The following ZNF761 variants were observed in gnomAD, a reference collection of about 807,000 sequenced individuals.
ZNF761 encodes the protein zinc finger protein 761.
ZNF761 carries 43 observed loss-of-function variants against 59.9 expected under a neutral mutation model. That is an observed-to-expected ratio of 0.72 (90% CI 0.56 to 0.92). ZNF761 has a LOEUF of 0.92. Among genes scored for constraint, ZNF761 ranks in the 40% least tolerant of loss-of-function variants. ZNF761 has a pLI of 0.00. For synonymous variants in ZNF761, 294 were observed against 304.8 expected, an observed-to-expected ratio of 0.96 and a Z score of 0.37; for missense variants, 850 against 906.1, an observed-to-expected ratio of 0.94 and a Z score of 0.79.
intron 1 of ZNF761, chr19:53,442,371 CT>C (rs1287974016): frequency 9.9e-7 from 1 of 1,014,464 alleles, no homozygotes; most frequent in Non-Finnish European, 1.5e-6. Flanking sequence ...CCTGAAGTGT[CT>C]GAGTGCAGCT....
rs781204680 is a variant in ZNF761 at position 53,454,743 on chromosome 19, G to C, written c.236G>C (p.Ser79Thr). 1.2e-6 allele frequency: 2 copies of C among 1,614,102 alleles called. No individual in the cohort carries two copies. The highest frequency in any genetic ancestry group is 2.2e-5 in the East Asian group (1 of 44,868). Reference sequence around the variant, plus strand: ...GCAGGGACATTGCAAATACATGAAAGTCATCACAATGGAGATTTTTGCTAC... The same window carrying C: ...GCAGGGACATTGCAAATACATGAAACTCATCACAATGGAGATTTTTGCTAC... ...FHAGTLQIHESHHNGDFCYQD... is the reference protein window; with the variant it reads ...FHAGTLQIHETHHNGDFCYQD... The change falls in exon 5 of 5, where the codon AGT becomes ACT. Residue 79 changes from serine (S) to threonine (T), a missense_variant. By Grantham distance (58) the Ser-to-Thr change is moderately conservative. Coordinates refer to ENST00000684525, the MANE Select transcript of ZNF761 (RefSeq NM_001289951.2).
chr19:53,447,531 C>T (rs368264062), intron 3 of ZNF761, among the ~76,000 whole-genome samples: 118 of 152,110 alleles, frequency 7.8e-4, no homozygotes, highest in East Asian at 5.6e-3. Context: ...TGGATGGAGA[C>T]GGGGTGAGGG....
intron 1 of ZNF761, among the ~76,000 whole-genome samples, chr19:53,440,227 G>C (rs1600085471): frequency 6.6e-6 from 1 of 152,234 alleles, no homozygotes; most frequent in African/African-American, 2.4e-5. Flanking sequence ...TACTCTGGAG[G>C]CCAAGGCAGG....
In ZNF761 at chr19:53,456,415, T is replaced by C. The variant is rs144492305; in HGVS notation, c.1908T>C (p.Cys636=). 4.3e-6 allele frequency: 7 copies of C among 1,611,898 alleles called. No individual in the cohort carries two copies. The African/African-American group carries it at 9.4e-5, about 22-fold the overall frequency. ...RLHTGEKPYK[C]EECDKAFRVK... is the part of the protein sequence containing the mutation. The stretch of plus-strand genomic sequence containing the variant: ...ATACCGGAGAGAAACCTTACAAATG[T>C]GAAGAATGTGACAAAGCTTTCCGTG... Residue 636 remains cysteine, a synonymous_variant, in exon 5 of 5, where the codon TGT becomes TGC. Transcript: ENST00000684525.
chr19:53,447,193 C>T lies in ZNF761; in HGVS notation c.-73-3C>T, dbSNP rs1600092408. 5.1e-6 allele frequency: 8 copies of T among 1,564,014 alleles called. No homozygotes were observed. In the East Asian group the frequency reaches 1.8e-4, roughly 35 times the overall value. On this transcript the variant is annotated splice_region_variant and splice_polypyrimidine_tract_variant and intron_variant, in intron 2 of 4. Transcript: ENST00000684525. ...CAATAAACAACATATTTCTAACATT[C>T]AGGATTGACTTCTAAAGACTCTTGG...
At chr19:53,449,466 A>G in intron 3 of ZNF761, 46 bp from the exon 4 acceptor site, 1 of 1,614,112 alleles carries the variant, frequency 6.2e-7, no homozygotes, top group Non-Finnish European at 8.5e-7. Flanking sequence ...TGTAAAGATA[A>G]GAACTCCTCT....
Position 53,455,211 on chromosome 19 carries a change from T to C in ZNF761, c.704T>C (p.Ile235Thr). 6.2e-7 allele frequency: 1 copy of C among 1,614,216 alleles called. No individual in the cohort carries two copies. ...AGCTCACTCTTAAGGAAACATCAGA[T>C]AATCCATTTAGCAGACAAATATAAA... is the stretch of plus-strand genomic sequence containing the variant. ...NYSSLLRKHQ[I>T]IHLADKYKCD... The change falls in exon 5 of 5, where the codon ATA (isoleucine) becomes ACA (threonine). Residue 235 changes from isoleucine (I) to threonine (T), a missense_variant. Coordinates refer to ENST00000684525, the MANE Select transcript of ZNF761 (RefSeq NM_001289951.2).
At position 53,455,939 on chromosome 19, in the gene ZNF761, A is replaced by T. The variant is rs758743053; in HGVS notation, c.1432A>T (p.Lys478Ter). 3.5e-5 allele frequency: 56 copies of T among 1,613,710 alleles called. No individual in the cohort carries two copies. Among genetic ancestry groups the T allele is most frequent in the Non-Finnish European group, 4.6e-5 (54 of 1,179,910 alleles). Residue 478 changes from lysine to a stop codon, truncating the protein, a stop_gained, in exon 5 of 5, where the codon AAA becomes TAA. Coordinates refer to ENST00000684525, the MANE Select transcript of ZNF761 (RefSeq NM_001289951.2). LOFTEE classifies it high-confidence loss of function. The stretch of plus-strand genomic sequence containing the variant: ...AGAATGTGACAAAGCTTTCCGTTTC[A>T]AATCAAACCTTGAAAGACATAGGAG... Reference protein sequence around the residue: ...CEECDKAFRFKSNLERHRRIH... With the variant: ...CEECDKAFRF
At chr19:53,444,845 C>A (rs778793103) in intron 1 of ZNF761, among the ~76,000 whole-genome samples, 1 of 151,800 alleles carries the variant, frequency 6.6e-6, no homozygotes, top group Non-Finnish European at 1.5e-5. Context: ...CCAAAGACCA[C>A]AAGGGGTTTT....
At position 53,455,397 on chromosome 19, in the gene ZNF761, C is replaced by G. The variant is rs749982820; in HGVS notation, c.890C>G (p.Pro297Arg). ...CHRRLHTGEKPYKCEECDKAF... is the reference protein window; with the variant it reads ...CHRRLHTGEKRYKCEECDKAF... ...CGTAGACTTCATACTGGAGAGAAAC[C>G]TTACAAATGTGAAGAATGTGACAAA... Residue 297 changes from proline to arginine, a missense_variant, in exon 5 of 5, where the codon CCT (proline) becomes CGT (arginine). Transcript: ENST00000684525. 3.1e-6 allele frequency: 5 copies of G among 1,613,836 alleles called. No individual in the cohort carries two copies. Among genetic ancestry groups the G allele is most frequent in the Non-Finnish European group, 2.5e-6 (3 of 1,180,002 alleles).
Position 53,456,020 on chromosome 19 carries a change from C to T in ZNF761, c.1513C>T (p.Arg505Trp), listed in dbSNP as rs530162454. 6.2e-6 allele frequency: 10 copies of T among 1,613,586 alleles called. No individual in the cohort carries two copies. The highest frequency in any genetic ancestry group is 3.3e-4 in the Middle Eastern group (2 of 6,060). The change falls in exon 5 of 5, where the codon CGG becomes TGG. Residue 505 changes from arginine to tryptophan, a missense_variant. Arg to Trp is a moderately radical substitution (Grantham distance 101, BLOSUM62 -3). Transcript: ENST00000684525. ...TAATGAGTGTGGCAAGACCTTTAGT[C>T]GGAAGTCATACCTCACATGCCATCA... ...KCNECGKTFS[R>W]KSYLTCHHRL...
chr19:53,440,740 A>G, intron 1 of ZNF761, among the ~76,000 whole-genome samples: 1 of 152,128 alleles, frequency 6.6e-6, no homozygotes, highest in East Asian at 1.9e-4. Context: ...GTGCAGCATG[A>G]TCTCTTCTAA....
At position 53,456,889 on chromosome 19, in the gene ZNF761, A is replaced by G; in HGVS notation, c.*141A>G. On this transcript the variant is annotated 3_prime_UTR_variant, in exon 5 of 5. Coordinates refer to ENST00000684525, the MANE Select transcript of ZNF761 (RefSeq NM_001289951.2). ...AGCCTCAGAAGACAGGAGAATTCAT[A>G]CTGGAGAGAAAGCTTATAAATGTGA... 1.0e-6 allele frequency: 1 copy of G among 969,248 alleles called. No individual in the cohort carries two copies. Among genetic ancestry groups the G allele is most frequent in the South Asian group, 1.6e-5 (1 of 64,470 alleles). 60.0% of individuals were successfully genotyped at this position (969,248 alleles called of 1,614,324 possible).
At position 53,453,032 on chromosome 19, in the gene ZNF761, G is replaced by A. The variant is rs143347103; in HGVS notation, c.143-1618G>A. 6.2e-3 allele frequency among the ~76,000 whole-genome samples: 938 copies of A among 152,268 alleles called. 8 individuals carry two copies. Among genetic ancestry groups the A allele is most frequent in the African/African-American group, 0.021 (875 of 41,554 alleles). ...GTGTTTTATATTTTGTGCATAGTGAGCTAGATAATTAAGGTCAACAATGCA... is the reference window on the plus strand; with the variant it reads ...GTGTTTTATATTTTGTGCATAGTGAACTAGATAATTAAGGTCAACAATGCA... On this transcript the variant is annotated intron_variant, in intron 4 of 4. Coordinates refer to ENST00000684525, the MANE Select transcript of ZNF761 (RefSeq NM_001289951.2).
Position 53,457,623 on chromosome 19 carries a change from A to G in ZNF761, c.*875A>G, listed in dbSNP as rs10411215. 0.014 allele frequency: 3,591 copies of G among 264,008 alleles called. 139 individuals carry two copies. The highest frequency in any genetic ancestry group is 0.078 in the African/African-American group (3,339 of 43,016). The allele number at this position is 264,008 out of a possible 1,614,324, so 16.4% of individuals were successfully genotyped here. On this transcript the variant is annotated 3_prime_UTR_variant, in exon 5 of 5. Coordinates refer to ENST00000684525, the MANE Select transcript of ZNF761 (RefSeq NM_001289951.2). Reference sequence around the variant, plus strand: ...CAAGCATTAATTGACATTAGGGTCAATTCAGCATTGACTTGAGTTTGTATT... The same window carrying G: ...CAAGCATTAATTGACATTAGGGTCAGTTCAGCATTGACTTGAGTTTGTATT...
Position 53,456,515 on chromosome 19 carries a change from A to G in ZNF761, c.2008A>G (p.Thr670Ala). 2.5e-6 allele frequency: 4 copies of G among 1,611,924 alleles called. No homozygotes were observed. The highest frequency in any genetic ancestry group is 3.4e-6 in the Non-Finnish European group (4 of 1,178,716). Residue 670 changes from threonine (T) to alanine (A), a missense_variant, in exon 5 of 5, where the codon ACC becomes GCC. By Grantham distance (58) the Thr-to-Ala change is moderately conservative. Transcript: ENST00000684525. Reference protein sequence around the residue: ...KPYKCNECGKTFSRKSYFICH... With the variant: ...KPYKCNECGKAFSRKSYFICH... ...TTACAAGTGTAATGAGTGTGGCAAG[A>G]CCTTTAGTCGGAAGTCATATTTTAT...
chr19:53,443,242 A>G (rs190775618), intron 1 of ZNF761: 18 of 159,840 alleles, frequency 1.1e-4, no homozygotes, highest in African/African-American at 2.6e-4. Flanking sequence ...GTCATCTGTG[A>G]ACATCTTGAG....
chr19:53,433,454 A>ACTT (rs1568796725), intron 1 of ZNF761, among the ~76,000 whole-genome samples: 4 of 40,182 alleles, frequency 1.0e-4, no homozygotes, highest in Non-Finnish European at 1.8e-4. Flanking sequence ...TTTGGCTTCG[A>ACTT]CTTCGCCAAG....
intron 1 of ZNF761, among the ~76,000 whole-genome samples, chr19:53,438,691 C>T (rs528409685): frequency 6.3e-4 from 96 of 152,240 alleles, no homozygotes; most frequent in Admixed American, 2.1e-3. Context: ...ATCGGGTAGT[C>T]GGAGTTAGAA....
Sources: gnomAD v4.1 joint callset for allele counts (sites outside exome capture counted in the v4.1 genomes callset) on GRCh38, gnomAD v4.1.1 for gene constraint, MANE v1.5 for transcripts, NCBI Gene and HGNC (gene_info 2026-07-23, HGNC 2026-07-21) for gene names.